Variants in PIEZO2 observed in about 807,000 individuals in gnomAD.
The protein encoded by PIEZO2 is piezo type mechanosensitive ion channel component 2, also known as piezo-type mechanosensitive ion channel component 2.
Under a neutral mutation model 337.3 loss-of-function variants are expected in PIEZO2, and 172 were observed. The observed-to-expected ratio is 0.51, with a 90% CI of 0.45 to 0.58. The LOEUF (loss-of-function observed/expected upper bound fraction) is 0.58. Among genes scored for constraint, PIEZO2 ranks in the 20% least tolerant of loss-of-function variants. The pLI is 0.00. For synonymous variants in PIEZO2, 1,251 were observed against 1,228.5 expected (o/e 1.02, Z -0.38); for missense variants, 3,028 against 3,391.3 (o/e 0.89, Z 2.66).
chr18:10,805,460 G>A (rs2039971493), intron 8 of PIEZO2, among the ~76,000 whole-genome samples: 1 of 152,152 alleles, frequency 6.6e-6, no homozygotes, highest in Non-Finnish European at 1.5e-5. Context: ...AGGTTGTGGT[G>A]ACCCGAGATC....
chr18:11,030,060 A>G (rs1162587420), intron 2 of PIEZO2, among the ~76,000 whole-genome samples: 1 of 152,334 alleles, frequency 6.6e-6, no homozygotes, highest in East Asian at 1.9e-4. Context: ...CTGCATATAC[A>G]TCTTTTAATT....
At chr18:10,744,849 C>T (rs2037360255) in intron 30 of PIEZO2, among the ~76,000 whole-genome samples, 1 of 152,198 alleles carries the variant, frequency 6.6e-6, no homozygotes, top group Non-Finnish European at 1.5e-5. Context: ...CTGTTACATG[C>T]TTCACAAATC....
Position 10,991,155 on chromosome 18 carries a change from TACAC to T in PIEZO2, c.161-11499_161-11496del, listed in dbSNP as rs374157292. ...TTCTTTTTGTTTTTGGAAGGTTTTA[TACAC>T]ACACACACACACACACACACACACA... On this transcript the variant is annotated intron_variant, in intron 2 of 55. Coordinates refer to ENST00000674853, the MANE Select transcript of PIEZO2 (RefSeq NM_001378183.1). 3.1e-3 allele frequency among the ~76,000 whole-genome samples: 442 copies of T among 140,602 alleles called. 2 individuals carry two copies. Among genetic ancestry groups the T allele is most frequent in the Middle Eastern group, 7.1e-3 (2 of 280 alleles). The allele number at this position is 140,602 out of a possible 152,430, so 92.2% of individuals were successfully genotyped here.
At chr18:10,900,116 C>A (rs1188081599) in intron 4 of PIEZO2, among the ~76,000 whole-genome samples, 2 of 151,922 alleles carry the variant, frequency 1.3e-5, no homozygotes, top group Admixed American at 6.6e-5. Context: ...TAATTAGTTT[C>A]TCTGTTGGAA....
intron 38 of PIEZO2, 48 bp from the exon 39 acceptor site, chr18:10,714,978 G>A (rs966331361): frequency 6.6e-7 from 1 of 1,512,234 alleles, no homozygotes; most frequent in East Asian, 2.5e-5. Context: ...GCATCTACCT[G>A]TATAGCCACC....
intron 8 of PIEZO2, among the ~76,000 whole-genome samples, chr18:10,806,042 T>G (rs915899021): frequency 6.6e-6 from 1 of 152,248 alleles, no homozygotes; most frequent in African/African-American, 2.4e-5. Context: ...TGCTGGCCCC[T>G]AGGTTAGTTT....
At position 11,008,940 on chromosome 18, in the gene PIEZO2, T is replaced by C. The variant is rs377700749; in HGVS notation, c.161-29280A>G. Among the ~76,000 whole-genome samples the C allele has an allele frequency of 3.4e-4, 52 of 152,340 alleles. No homozygotes were observed. The East Asian group carries it at 4.1e-3, about 12-fold the overall frequency. ...TCCTCCTGACATCTATAATAATAAA[T>C]CTTTCAGCTGATTAATTCAATAGGG... On this transcript the variant is annotated intron_variant, in intron 2 of 55. Coordinates refer to ENST00000674853, the MANE Select transcript of PIEZO2 (RefSeq NM_001378183.1).
chr18:10,757,684 C>T (rs1345180599), intron 27 of PIEZO2, among the ~76,000 whole-genome samples: 1 of 151,686 alleles, frequency 6.6e-6, no homozygotes, highest in African/African-American at 2.4e-5. Context: ...GGAGGACCCT[C>T]CACTGGAGAG....
chr18:11,101,182 G>A lies in PIEZO2; in HGVS notation c.65-34960C>T, dbSNP rs1043046955. Reference sequence around the variant, plus strand: ...AGGTTCATCCACTCAAGCCCATTTTGGGCTCATTCCATCTGGGCCAGCCCA... The same window carrying A: ...AGGTTCATCCACTCAAGCCCATTTTAGGCTCATTCCATCTGGGCCAGCCCA... On this transcript the variant is annotated intron_variant, in intron 1 of 55. Transcript: ENST00000674853. The surrounding 1 kb of genome is among the most constrained non-coding windows in gnomAD (Gnocchi z 4.4). Among the ~76,000 whole-genome samples the A allele has an allele frequency of 6.6e-6, 1 of 152,158 alleles. No homozygotes were observed. Among genetic ancestry groups the A allele is most frequent in the South Asian group, 2.1e-4 (1 of 4,828 alleles).
At chr18:10,949,035 C>A (rs2033162214) in intron 3 of PIEZO2, among the ~76,000 whole-genome samples, 1 of 152,054 alleles carries the variant, frequency 6.6e-6, no homozygotes, top group Non-Finnish European at 1.5e-5. Flanking sequence ...ATTAGAAAGT[C>A]CTTAAAAGAA....
intron 2 of PIEZO2, among the ~76,000 whole-genome samples, chr18:11,030,342 A>G (rs988523686): frequency 3.9e-5 from 6 of 152,224 alleles, no homozygotes; most frequent in Non-Finnish European, 7.3e-5. Flanking sequence ...TAATCAAGAA[A>G]AGAGAGTATT....
chr18:10,931,012 A>G (rs894271576), intron 3 of PIEZO2, among the ~76,000 whole-genome samples: 4 of 152,174 alleles, frequency 2.6e-5, no homozygotes, highest in Non-Finnish European at 4.4e-5. Context: ...TATATTTGCT[A>G]TTCTAGACTG....
At chr18:10,898,720 G>A (rs1405038080) in intron 4 of PIEZO2, among the ~76,000 whole-genome samples, 2 of 152,198 alleles carry the variant, frequency 1.3e-5, no homozygotes, top group East Asian at 1.9e-4. Context: ...TCCCAGGGAA[G>A]GGAGGGTTAG....
At position 10,750,201 on chromosome 18, in the gene PIEZO2, G is replaced by C; in HGVS notation, c.4168-14C>G. 6.6e-7 allele frequency: 1 copy of C among 1,522,400 alleles called. No individual in the cohort carries two copies. The highest frequency in any genetic ancestry group is 2.0e-5 in the Admixed American group (1 of 50,948). The allele number at this position is 1,522,400 out of a possible 1,614,324, so 94.3% of individuals were successfully genotyped here. A position where few individuals can be genotyped will look rare whatever the true frequency, so the allele number is the denominator to read the frequency against. ...ACATGCTCCTATCTGAAAAACAAAA[G>C]AGGGGGATAATCCTGAAGCTCTGCA... is the stretch of plus-strand genomic sequence containing the variant. On this transcript the variant is annotated splice_polypyrimidine_tract_variant and intron_variant, in intron 28 of 55. Transcript: ENST00000674853. The surrounding 1 kb of genome is among the most constrained non-coding windows in gnomAD (Gnocchi z 4.1).
At chr18:11,053,705 A>T (rs941519065) in intron 2 of PIEZO2, among the ~76,000 whole-genome samples, 1 of 152,256 alleles carries the variant, frequency 6.6e-6, no homozygotes, top group East Asian at 1.9e-4. Flanking sequence ...ATCATAAGTT[A>T]TAAGGAACCT....
intron 18 of PIEZO2, among the ~76,000 whole-genome samples, chr18:10,774,386 T>G (rs2865124): frequency 0.82 from 124,684 of 152,204 alleles, 51,381 homozygotes; most frequent in East Asian, 0.93. Context: ...TTTTAAAAAT[T>G]TCTTGAAAGA....
At chr18:11,044,577 TAAAG>T (rs2037235337) in intron 2 of PIEZO2, among the ~76,000 whole-genome samples, 1 of 152,158 alleles carries the variant, frequency 6.6e-6, no homozygotes, top group Non-Finnish European at 1.5e-5. Flanking sequence ...ATAACCACCT[TAAAG>T]AAATGTGTTG....
rs777528394 is a variant in PIEZO2 at position 10,689,775 on chromosome 18, C to T, written c.7377G>A (p.Glu2459=). ...QGFRLVPFLT[E]LRAVMDWVWT... ...ACACCCAGTCCATCACTGCCCTCAG[C>T]TCAGTCAAAAAGGGCACGAGGCGAA... is the stretch of plus-strand genomic sequence containing the variant. Residue 2459 remains glutamate, a synonymous_variant, in exon 49 of 56, where the codon GAG becomes GAA. Transcript: ENST00000674853. The T allele has an allele frequency of 1.9e-6, 3 of 1,612,882 alleles. No individual in the cohort carries two copies. In the South Asian group the frequency reaches 3.3e-5, roughly 18 times the overall value.
intron 2 of PIEZO2, among the ~76,000 whole-genome samples, chr18:11,053,358 G>C (rs1174420707): frequency 6.6e-6 from 1 of 152,064 alleles, no homozygotes; most frequent in Non-Finnish European, 1.5e-5. Flanking sequence ...GTAAAGACTG[G>C]CTATAGTCAC....
Sources: gnomAD v4.1 joint callset for allele counts (sites outside exome capture counted in the v4.1 genomes callset) on GRCh38, gnomAD v4.1.1 for gene constraint, Gnocchi (gnomAD v3.1) non-coding constraint, MANE v1.5 for transcripts, NCBI Gene and HGNC (gene_info 2026-07-23, HGNC 2026-07-21) for gene names.